PAK2: variants seen among roughly 807,000 people sequenced by gnomAD.
The protein encoded by PAK2 is serine/threonine-protein kinase PAK 2.
PAK2 carries 21 observed loss-of-function variants against 65.9 expected under a neutral mutation model. The observed-to-expected ratio is 0.32, with a 90% CI of 0.23 to 0.46. PAK2 has a LOEUF of 0.46. Ranked by LOEUF, PAK2 falls within the 20% of genes least tolerant of loss-of-function variation. The probability of loss-of-function intolerance (pLI) is 1.00; values close to 1 mark genes in which losing one functional copy is unlikely to be tolerated. For missense variants in PAK2, 324 were observed against 642.6 expected (o/e 0.50, Z 5.36); for synonymous variants, 204 against 219.7 (o/e 0.93, Z 0.63).
At chr3:196,756,393 C>T (rs555672440) in intron 1 of PAK2, among the ~76,000 whole-genome samples, 4 of 152,124 alleles carry the variant, frequency 2.6e-5, no homozygotes, top group East Asian at 1.9e-4. Context: ...ACAGGAGCTC[C>T]GGGTCCCCCT....
chr3:196,793,355 A>G (rs1428115632), intron 2 of PAK2, among the ~76,000 whole-genome samples: 1 of 152,192 alleles, frequency 6.6e-6, no homozygotes, highest in Non-Finnish European at 1.5e-5. Flanking sequence ...GAATACCTGC[A>G]GCCTGACTCA....
chr3:196,795,301 A>T (rs549508551), intron 2 of PAK2, among the ~76,000 whole-genome samples: 1 of 151,640 alleles, frequency 6.6e-6, no homozygotes, highest in South Asian at 2.1e-4. Context: ...ACAAAAAAAA[A>T]AAAAGAAAAA....
intron 1 of PAK2, among the ~76,000 whole-genome samples, chr3:196,776,406 T>A (rs1207060535): frequency 6.6e-6 from 1 of 152,232 alleles, no homozygotes; most frequent in East Asian, 1.9e-4. Flanking sequence ...GCCCTCTGTT[T>A]CATGCAACAC....
chr3:196,798,834 C>G (rs1381851205), intron 2 of PAK2, among the ~76,000 whole-genome samples: 1 of 152,130 alleles, frequency 6.6e-6, no homozygotes, highest in African/African-American at 2.4e-5. Flanking sequence ...TTTGACGGAA[C>G]CCAGTATCCA....
chr3:196,824,925 A>G (rs537586968), intron 13 of PAK2, among the ~76,000 whole-genome samples: 1 of 152,308 alleles, frequency 6.6e-6, no homozygotes, highest in South Asian at 2.1e-4. Flanking sequence ...TTTGTAACAA[A>G]TGTCCCATAG....
At chr3:196,788,755 A>G (rs1485281334) in intron 2 of PAK2, among the ~76,000 whole-genome samples, 1 of 152,212 alleles carries the variant, frequency 6.6e-6, no homozygotes, top group Non-Finnish European at 1.5e-5. Flanking sequence ...CGATAGTTAC[A>G]AAGTGTGTTC....
intron 13 of PAK2, among the ~76,000 whole-genome samples, chr3:196,824,417 T>C (rs767395665): frequency 1.1e-4 from 17 of 152,166 alleles, no homozygotes; most frequent in Non-Finnish European, 4.4e-5. Flanking sequence ...TCCAGGCAAC[T>C]GGAACGGACA....
chr3:196,747,742 T>C (rs943727066), intron 1 of PAK2, among the ~76,000 whole-genome samples: 5 of 152,290 alleles, frequency 3.3e-5, no homozygotes, highest in Non-Finnish European at 7.4e-5. Flanking sequence ...TCTTACTAAA[T>C]ATAGGACTTA....
chr3:196,812,319 G>T, intron 9 of PAK2, 52 bp downstream of exon 9: 1 of 1,054,750 alleles, frequency 9.5e-7, no homozygotes, highest in Non-Finnish European at 1.5e-6. Flanking sequence ...TCATATAGGT[G>T]GAAACTAGAT....
intron 3 of PAK2, among the ~76,000 whole-genome samples, chr3:196,802,562 G>A (rs1327804971): frequency 1.3e-5 from 2 of 152,058 alleles, no homozygotes; most frequent in African/African-American, 4.8e-5. Flanking sequence ...ATAGACCTAG[G>A]CCGGGCGCGG....
chr3:196,796,912 C>T (rs1386687011), intron 2 of PAK2, among the ~76,000 whole-genome samples: 1 of 152,104 alleles, frequency 6.6e-6, no homozygotes, highest in Non-Finnish European at 1.5e-5. Context: ...ATTTATGTAC[C>T]TAATAACAGC....
intron 2 of PAK2, among the ~76,000 whole-genome samples, chr3:196,795,527 G>GA (rs1357063117): frequency 2.6e-5 from 4 of 151,178 alleles, no homozygotes; most frequent in East Asian, 3.9e-4. Context: ...AAAGCTACCA[G>GA]AAAAAAAATG....
chr3:196,806,764 A>G, intron 6 of PAK2, 78 bp downstream of exon 6: 1 of 857,784 alleles, frequency 1.2e-6, no homozygotes, highest in South Asian at 1.4e-5. Context: ...TTTGACTTTC[A>G]GTGATTGCTT....
chr3:196,753,748 G>C (rs989509900), intron 1 of PAK2, among the ~76,000 whole-genome samples: 2 of 151,766 alleles, frequency 1.3e-5, no homozygotes, highest in Admixed American at 6.6e-5. Flanking sequence ...TAATCATTTT[G>C]TTTTTTTCCT....
intron 11 of PAK2, among the ~76,000 whole-genome samples, chr3:196,814,785 TTG>T (rs1247351014): frequency 6.6e-6 from 1 of 152,112 alleles, no homozygotes; most frequent in Non-Finnish European, 1.5e-5. Context: ...TTGTGGACCT[TTG>T]AAGATCCAGA....
chr3:196,796,532 A>G (rs1715265576), intron 2 of PAK2, among the ~76,000 whole-genome samples: 1 of 152,212 alleles, frequency 6.6e-6, no homozygotes, highest in Non-Finnish European at 1.5e-5. Context: ...CACAACTCTA[A>G]ATATACTAAA....
chr3:196,808,056 A>G (rs549313589), intron 7 of PAK2, 142 bp downstream of exon 7: 16 of 714,790 alleles, frequency 2.2e-5, no homozygotes, highest in Non-Finnish European at 3.3e-5. Flanking sequence ...AGTAGCTTCA[A>G]TTACAATCTG....
chr3:196,750,835 T>C (rs1162184577), intron 1 of PAK2, among the ~76,000 whole-genome samples: 3 of 152,204 alleles, frequency 2.0e-5, no homozygotes, highest in Non-Finnish European at 4.4e-5. Flanking sequence ...TAATGCTTTC[T>C]GTTTTTTAAT....
chr3:196,815,446 T>C (rs1420843632), intron 11 of PAK2, among the ~76,000 whole-genome samples: 11 of 139,460 alleles, frequency 7.9e-5, no homozygotes, highest in Admixed American at 6.6e-4. Context: ...GAGCCAAAAT[T>C]GCGCCACCGC....
Sources: gnomAD v4.1 joint callset for allele counts (sites outside exome capture counted in the v4.1 genomes callset) on GRCh38, gnomAD v4.1.1 for gene constraint, MANE v1.5 for transcripts, NCBI Gene and HGNC (gene_info 2026-07-23, HGNC 2026-07-21) for gene names.